Variants in SGCZ observed in about 807,000 individuals in gnomAD.
The protein encoded by SGCZ is sarcoglycan zeta, also known as zeta-sarcoglycan.
A neutral mutation model predicts 41.3 loss-of-function variants in SGCZ; 40 were observed. The observed-to-expected ratio is 0.97, with a 90% CI of 0.75 to 1.26. SGCZ has a LOEUF of 1.26. Ranked by LOEUF, SGCZ falls within the 50% of genes most tolerant of loss-of-function variation. The pLI is 0.00. For missense variants in SGCZ, 552 were observed against 369.8 expected (o/e 1.49, Z -4.04); for synonymous variants, 206 against 137.5 (o/e 1.50, Z -3.49).
At chr8:14,092,716 C>T (rs1006541851) in intron 7 of SGCZ, among the ~76,000 whole-genome samples, 1 of 152,024 alleles carries the variant, frequency 6.6e-6, no homozygotes, top group East Asian at 1.9e-4. Context: ...ATAAGATGCG[C>T]CTTTTGCCTT....
At chr8:14,619,759 G>C (rs1253429224) in intron 1 of SGCZ, among the ~76,000 whole-genome samples, 1 of 152,074 alleles carries the variant, frequency 6.6e-6, no homozygotes, top group African/African-American at 2.4e-5. Context: ...TTTTCAAGGA[G>C]AACTACAAAC....
At chr8:14,667,356 T>C (rs1274020314) in intron 1 of SGCZ, among the ~76,000 whole-genome samples, 1 of 152,110 alleles carries the variant, frequency 6.6e-6, no homozygotes, top group Non-Finnish European at 1.5e-5. Flanking sequence ...CATAACACAC[T>C]TTTCAAAGCT....
intron 1 of SGCZ, among the ~76,000 whole-genome samples, chr8:14,567,004 C>G (rs1053320245): frequency 3.9e-5 from 6 of 152,160 alleles, no homozygotes; most frequent in Non-Finnish European, 5.9e-5. Flanking sequence ...GCGGAGGGTG[C>G]ACCAGGTCCC....
chr8:14,961,776 A>C (rs1195599952), intron 1 of SGCZ, among the ~76,000 whole-genome samples: 1 of 152,266 alleles, frequency 6.6e-6, no homozygotes, highest in Admixed American at 6.5e-5. Flanking sequence ...GTAGGGATAC[A>C]TCAGAACCCC....
intron 1 of SGCZ, among the ~76,000 whole-genome samples, chr8:14,694,672 A>G (rs1737383679): frequency 1.3e-5 from 2 of 152,214 alleles, no homozygotes; most frequent in Admixed American, 1.3e-4. Flanking sequence ...GCCAGGCTCA[A>G]TACATTTCAG....
At chr8:14,653,145 C>T (rs1232467137) in intron 1 of SGCZ, among the ~76,000 whole-genome samples, 1 of 151,926 alleles carries the variant, frequency 6.6e-6, no homozygotes, top group Non-Finnish European at 1.5e-5. Context: ...CAGTCAGTAA[C>T]TGGTATCTCA....
At chr8:14,388,664 T>C (rs182029450) in intron 2 of SGCZ, among the ~76,000 whole-genome samples, 1 of 152,172 alleles carries the variant, frequency 6.6e-6, no homozygotes, top group East Asian at 1.9e-4. Context: ...ACTCCAATTT[T>C]AGCTTTCCAA....
intron 1 of SGCZ, among the ~76,000 whole-genome samples, chr8:14,879,511 C>T (rs950197892): frequency 6.6e-6 from 1 of 151,722 alleles, no homozygotes; most frequent in Non-Finnish European, 1.5e-5. Context: ...TGATTCAGCC[C>T]ATTGTTTTGC....
In SGCZ at chr8:14,801,354, G is replaced by C. The variant is rs1801316281; in HGVS notation, c.40-246428C>G. ...TACTAAGGAAATGAATCATTTTTATGAGGAAAAAATCCTATGAAGTATGGT... is the reference window on the plus strand; with the variant it reads ...TACTAAGGAAATGAATCATTTTTATCAGGAAAAAATCCTATGAAGTATGGT... On this transcript the variant is annotated intron_variant, in intron 1 of 7. Transcript: ENST00000382080. 2.0e-5 allele frequency among the ~76,000 whole-genome samples: 3 copies of C among 152,132 alleles called. No individual in the cohort carries two copies. In the South Asian group the frequency reaches 6.2e-4, roughly 31 times the overall value.
intron 3 of SGCZ, among the ~76,000 whole-genome samples, chr8:14,276,179 T>C (rs1488632664): frequency 1.3e-5 from 2 of 152,186 alleles, no homozygotes; most frequent in Admixed American, 6.5e-5. Flanking sequence ...TTGAAAGTAG[T>C]AGAAATTATT....
intron 5 of SGCZ, among the ~76,000 whole-genome samples, chr8:14,119,990 C>T (rs961803061): frequency 2.0e-5 from 3 of 152,014 alleles, no homozygotes; most frequent in South Asian, 2.1e-4. Flanking sequence ...ATTTTTGCAT[C>T]GATGCTCATC....
intron 1 of SGCZ, among the ~76,000 whole-genome samples, chr8:14,817,320 G>T (rs1801938088): frequency 6.6e-6 from 1 of 152,064 alleles, no homozygotes; most frequent in African/African-American, 2.4e-5. Context: ...ATCTCCGGTG[G>T]TCATCACTAC....
At chr8:14,258,033 C>A (rs889084435) in intron 3 of SGCZ, among the ~76,000 whole-genome samples, 3 of 152,160 alleles carry the variant, frequency 2.0e-5, no homozygotes, top group Admixed American at 2.0e-4. Context: ...AAGAACCTTG[C>A]GTGACATTTT....
At chr8:14,970,298 T>C (rs963935366) in intron 1 of SGCZ, among the ~76,000 whole-genome samples, 8 of 152,270 alleles carry the variant, frequency 5.3e-5, no homozygotes, top group Non-Finnish European at 8.8e-5. Flanking sequence ...TTTCACTTAC[T>C]CTGTCTTGTC....
rs544076405 is a variant in SGCZ, at chr8:14,417,548, A to T, written c.235-93344T>A. Among the ~76,000 whole-genome samples the T allele has an allele frequency of 1.6e-3, 241 of 151,948 alleles. 1 individual carries two copies. The highest frequency in any genetic ancestry group is 5.3e-3 in the African/African-American group (220 of 41,508). ...GATTGTTCCATGAACTGTAATCATT[A>T]TTTCCCCCCCTTAATTTCGTTTCTT... On this transcript the variant is annotated intron_variant, in intron 2 of 7. Coordinates refer to ENST00000382080, the MANE Select transcript of SGCZ (RefSeq NM_139167.4).
chr8:14,340,655 G>C lies in SGCZ; in HGVS notation c.235-16451C>G, dbSNP rs148038765. 1.2e-3 allele frequency among the ~76,000 whole-genome samples: 176 copies of C among 152,224 alleles called. 5 individuals carry two copies. The East Asian group carries it at 0.031, about 26-fold the overall frequency. On this transcript the variant is annotated intron_variant, in intron 2 of 7. Coordinates refer to ENST00000382080, the MANE Select transcript of SGCZ (RefSeq NM_139167.4). ...TATAGAATGTTCAAAAGTAACTAGA[G>C]AGCCTATGACACAGTAGCTTATAGC...
At chr8:15,154,093 C>G (rs1180545774) in intron 1 of SGCZ, among the ~76,000 whole-genome samples, 1 of 143,010 alleles carries the variant, frequency 7.0e-6, no homozygotes, top group Non-Finnish European at 1.5e-5. Context: ...TATTCACTCA[C>G]CACTTACCCC....
At chr8:14,629,337 G>A (rs1218773230) in intron 1 of SGCZ, among the ~76,000 whole-genome samples, 2 of 150,450 alleles carry the variant, frequency 1.3e-5, no homozygotes, top group Admixed American at 6.6e-5. Context: ...TTAGTGACTA[G>A]TAGGTAAGAT....
At chr8:14,337,050 TGTGA>T (rs1169638652) in intron 2 of SGCZ, among the ~76,000 whole-genome samples, 2 of 152,144 alleles carry the variant, frequency 1.3e-5, no homozygotes, top group Non-Finnish European at 2.9e-5. Flanking sequence ...CTGGGAGGAC[TGTGA>T]GTGAGTATTC....
Sources: allele counts gnomAD v4.1 joint callset (sites outside exome capture counted in the v4.1 genomes callset), GRCh38; gene constraint gnomAD v4.1.1; transcripts MANE v1.5; gene names NCBI Gene and HGNC (gene_info 2026-07-23, HGNC 2026-07-21).